SEMA3D: variants seen among roughly 807,000 people sequenced by gnomAD.
The protein encoded by SEMA3D is semaphorin-3D.
SEMA3D carries 84 observed loss-of-function variants against 100.1 expected under a neutral mutation model. The ratio of observed to expected loss-of-function variants is 0.84; its 90% CI spans 0.70 to 1.01. SEMA3D has a LOEUF of 1.01. SEMA3D is among the 50% of genes least tolerant of loss of function. The pLI, the probability that SEMA3D is intolerant of heterozygous loss-of-function variation, is 0.00. For missense variants in SEMA3D, 875 were observed against 934.1 expected, an observed-to-expected ratio of 0.94 and a Z score of 0.82; for synonymous variants, 312 against 320.7, an observed-to-expected ratio of 0.97 and a Z score of 0.29.
chr7:85,140,441 T>C (rs1274731590), intron 2 of SEMA3D: 3 of 983,766 alleles, frequency 3.0e-6, no homozygotes, highest in South Asian at 4.7e-5. Context: ...CTAGTGATGA[T>C]GGGATTTAAG....
chr7:85,160,897 AG>A (rs764831256), intron 1 of SEMA3D, among the ~76,000 whole-genome samples: 32 of 152,152 alleles, frequency 2.1e-4, no homozygotes, highest in Non-Finnish European at 3.1e-4. Context: ...CTAGGAGAAG[AG>A]GTTTATGAAG....
chr7:85,157,369 T>C (rs934450402), intron 1 of SEMA3D, among the ~76,000 whole-genome samples: 1 of 152,152 alleles, frequency 6.6e-6, no homozygotes, highest in African/African-American at 2.4e-5. Flanking sequence ...ACCAAAAGAT[T>C]TTTGTTTCTC....
chr7:85,070,971 G>A (rs1297403488), intron 6 of SEMA3D, among the ~76,000 whole-genome samples: 2 of 152,106 alleles, frequency 1.3e-5, no homozygotes, highest in Non-Finnish European at 2.9e-5. Context: ...GAAAAGACGG[G>A]GTTTCACCAT....
intron 11 of SEMA3D, among the ~76,000 whole-genome samples, chr7:85,038,998 T>G (rs1358014000): frequency 6.6e-6 from 1 of 152,080 alleles, no homozygotes; most frequent in African/African-American, 2.4e-5. Context: ...GATTAAAAAT[T>G]TATTCACTAG....
rs1412250266 is a variant in SEMA3D at position 85,081,572 on chromosome 7, C to T, written c.320G>A (p.Trp107Ter). The T allele has an allele frequency of 3.1e-6, 5 of 1,609,772 alleles. No homozygotes were observed. Among genetic ancestry groups the T allele is most frequent in the Non-Finnish European group, 4.3e-6 (5 of 1,176,440 alleles). ...DLNKNFKKIY[W>*]PAAKERVELC... Reference sequence around the variant, plus strand: ...TTCCACCCGTTCCTTTGCAGCAGGCCAATAAATCTGCAAAACATTTCAAAG... The same window carrying T: ...TTCCACCCGTTCCTTTGCAGCAGGCTAATAAATCTGCAAAACATTTCAAAG... The change falls in exon 5 of 19, where the codon TGG (tryptophan) becomes TAG (stop). Residue 107 changes from tryptophan to a stop codon, truncating the protein, a stop_gained. Transcript: ENST00000284136. LOFTEE classifies it high-confidence loss of function.
chr7:85,087,456 C>T lies in SEMA3D; in HGVS notation c.313-5877G>A, dbSNP rs554605392. Among the ~76,000 whole-genome samples the T allele has an allele frequency of 2.1e-4, 32 of 152,248 alleles. No individual in the cohort carries two copies. In the South Asian group the frequency reaches 4.1e-3, roughly 20 times the overall value. Reference sequence around the variant, plus strand: ...CGTGCAGGAGACATCAGAAATCAAACGGAGATCTTTTCTGTGGATCCAGAA... The same window carrying T: ...CGTGCAGGAGACATCAGAAATCAAATGGAGATCTTTTCTGTGGATCCAGAA... On this transcript the variant is annotated intron_variant, in intron 4 of 18. Transcript: ENST00000284136.
At chr7:85,049,314 G>T (rs760211125) in intron 9 of SEMA3D, among the ~76,000 whole-genome samples, 1 of 151,656 alleles carries the variant, frequency 6.6e-6, no homozygotes, top group Middle Eastern at 3.4e-3. Flanking sequence ...GTGATTTGCC[G>T]TTAATGACTA....
chr7:85,103,970 T>C (rs1383735846), intron 3 of SEMA3D, among the ~76,000 whole-genome samples: 2 of 152,072 alleles, frequency 1.3e-5, no homozygotes, highest in Non-Finnish European at 2.9e-5. Context: ...CGTTTGTATG[T>C]ATGTGTGCAT....
At chr7:85,186,067 G>T (rs1791536716) in intron 1 of SEMA3D, among the ~76,000 whole-genome samples, 1 of 152,140 alleles carries the variant, frequency 6.6e-6, no homozygotes, top group Non-Finnish European at 1.5e-5. Context: ...ATTCCCCGGC[G>T]AAGAAAAAGG....
At chr7:85,032,405 T>G (rs568614988) in intron 12 of SEMA3D, among the ~76,000 whole-genome samples, 33 of 152,138 alleles carry the variant, frequency 2.2e-4, no homozygotes, top group African/African-American at 6.7e-4. Context: ...TAAAAATGAC[T>G]GAAGAAGCAA....
At chr7:85,242,357 A>G in the SEMA3D span, among the ~76,000 whole-genome samples, 2,917 of 152,228 alleles carry the variant, frequency 0.019, 41 homozygotes, top group Non-Finnish European at 0.028. Context: ...ACAAATTTTG[A>G]TAAGTTGTAT....
intron 5 of SEMA3D, among the ~76,000 whole-genome samples, chr7:85,078,612 A>G (rs989328915): frequency 1.3e-5 from 2 of 152,188 alleles, no homozygotes; most frequent in African/African-American, 4.8e-5. Flanking sequence ...AATACTACCA[A>G]ATATCTTTCT....
chr7:85,120,756 AC>A (rs1436669457), intron 3 of SEMA3D, among the ~76,000 whole-genome samples: 2 of 152,076 alleles, frequency 1.3e-5, no homozygotes, highest in Non-Finnish European at 2.9e-5. Context: ...CCAGATAAAA[AC>A]GTCCTAGATT....
chr7:85,164,418 G>C (rs1159657448), intron 1 of SEMA3D, among the ~76,000 whole-genome samples: 4 of 152,010 alleles, frequency 2.6e-5, no homozygotes, highest in African/African-American at 9.7e-5. Flanking sequence ...TAAGCAGATA[G>C]AGAGCATTTT....
intron 9 of SEMA3D, among the ~76,000 whole-genome samples, chr7:85,043,222 G>T (rs1790912196): frequency 6.6e-6 from 1 of 152,014 alleles, no homozygotes; most frequent in South Asian, 2.1e-4. Flanking sequence ...AGTCATGTGT[G>T]GTGGGGTGTC....
chr7:85,241,650 T>C, the SEMA3D span, among the ~76,000 whole-genome samples: 17 of 150,986 alleles, frequency 1.1e-4, no homozygotes, highest in African/African-American at 3.7e-4. Flanking sequence ...GATGATACGA[T>C]GGACTTTGGG....
At chr7:85,232,033 T>C in the SEMA3D span, among the ~76,000 whole-genome samples, 1 of 152,166 alleles carries the variant, frequency 6.6e-6, no homozygotes, top group African/African-American at 2.4e-5. Context: ...CTCTATTTAA[T>C]GGACTAGGAA....
chr7:85,065,662 A>G, intron 7 of SEMA3D, 110 bp from the exon 8 acceptor site: 1 of 776,818 alleles, frequency 1.3e-6, no homozygotes, highest in East Asian at 2.7e-5. Context: ...TCTTAATATC[A>G]GAATGTATTG....
At chr7:85,132,330 T>C (rs1043278119) in intron 2 of SEMA3D, among the ~76,000 whole-genome samples, 5 of 151,888 alleles carry the variant, frequency 3.3e-5, no homozygotes, top group African/African-American at 1.2e-4. Flanking sequence ...CATGGCAAAA[T>C]TGGATATCAT....
Sources: allele counts gnomAD v4.1 joint callset (sites outside exome capture counted in the v4.1 genomes callset), GRCh38; gene constraint gnomAD v4.1.1; transcripts MANE v1.5; gene names NCBI Gene and HGNC (gene_info 2026-07-23, HGNC 2026-07-21).